Variants in TEX36 observed in about 807,000 individuals in gnomAD.
TEX36 encodes the protein testis expressed 36.
A neutral mutation model predicts 13.6 loss-of-function variants in TEX36; 12 were observed. That is an observed-to-expected ratio of 0.88 (90% confidence interval 0.56 to 1.43). The LOEUF is 1.43. TEX36 is among the 40% of genes most tolerant of loss of function. The pLI is 0.00. For missense variants in TEX36, 224 were observed against 228.3 expected, an observed-to-expected ratio of 0.98 and a Z score of 0.12; for synonymous variants, 93 against 83.0, an observed-to-expected ratio of 1.12 and a Z score of -0.65.
intron 3 of TEX36, among the ~76,000 whole-genome samples, chr10:125,600,621 A>T (rs573346143): frequency 6.6e-6 from 1 of 152,328 alleles, no homozygotes; most frequent in African/African-American, 2.4e-5. Context: ...ACCGCAGTCA[A>T]GTCACTTGCT....
At chr10:125,613,990 G>T (rs923953810) in intron 3 of TEX36, among the ~76,000 whole-genome samples, 3 of 152,170 alleles carry the variant, frequency 2.0e-5, no homozygotes, top group Admixed American at 2.0e-4. Context: ...GTGTGAGATG[G>T]TATCTCATTG....
At chr10:125,587,263 T>G (rs570619368) in intron 3 of TEX36, among the ~76,000 whole-genome samples, 1 of 152,088 alleles carries the variant, frequency 6.6e-6, no homozygotes, top group Non-Finnish European at 1.5e-5. Flanking sequence ...CTCAGGCAGG[T>G]GAGTTGCTTA....
In TEX36 at chr10:125,672,504, A is replaced by C. The variant is rs950232136; in HGVS notation, c.51+10435T>G. On this transcript the variant is annotated intron_variant, in intron 1 of 3. Transcript: ENST00000368821. ...ACTGTGGTCTGAGAGACAGTTTGTT[A>C]TTATTTCACTTCTTTTGCATTTGCC... 3.9e-5 allele frequency among the ~76,000 whole-genome samples: 6 copies of C among 152,170 alleles called. No homozygotes were observed. The South Asian group carries it at 1.2e-3, about 32-fold the overall frequency.
At chr10:125,600,796 C>T (rs1302800556) in intron 3 of TEX36, among the ~76,000 whole-genome samples, 2 of 152,158 alleles carry the variant, frequency 1.3e-5, no homozygotes, top group Admixed American at 1.3e-4. Context: ...CTTGGCATCT[C>T]ATTAGTGTTT....
chr10:125,652,305 C>G (rs565367695), downstream of TEX36, among the ~76,000 whole-genome samples: 28 of 152,112 alleles, frequency 1.8e-4, no homozygotes, highest in Non-Finnish European at 3.8e-4. Flanking sequence ...ACCAATGGAA[C>G]AGAACAGAGC....
At chr10:125,630,625 A>G (rs898233716) in intron 3 of TEX36, among the ~76,000 whole-genome samples, 2 of 152,158 alleles carry the variant, frequency 1.3e-5, no homozygotes, top group Non-Finnish European at 2.9e-5. Flanking sequence ...AAGGACATGA[A>G]TACGGGGAAA....
intron 3 of TEX36, among the ~76,000 whole-genome samples, chr10:125,600,517 G>T (rs1024910980): frequency 7.9e-5 from 12 of 152,172 alleles, no homozygotes; most frequent in African/African-American, 2.9e-4. Context: ...GCTAATGTGG[G>T]TGAGTTTCTG....
chr10:125,596,744 T>A (rs924521603), intron 3 of TEX36, among the ~76,000 whole-genome samples: 1 of 152,300 alleles, frequency 6.6e-6, no homozygotes. Flanking sequence ...ACCACCTGCA[T>A]GAGAAATCAG....
intron 3 of TEX36, among the ~76,000 whole-genome samples, chr10:125,633,245 C>G (rs1201396675): frequency 2.0e-5 from 3 of 152,112 alleles, no homozygotes; most frequent in African/African-American, 7.2e-5. Flanking sequence ...GTGGAAAGAC[C>G]TGATGAGAGA....
At chr10:125,673,063 G>T (rs1847258938) in intron 1 of TEX36, among the ~76,000 whole-genome samples, 1 of 152,150 alleles carries the variant, frequency 6.6e-6, no homozygotes, top group Non-Finnish European at 1.5e-5. Flanking sequence ...ACACCAGTGG[G>T]TCTTGACTCT....
intron 3 of TEX36, among the ~76,000 whole-genome samples, chr10:125,589,620 A>G (rs1302640259): frequency 6.6e-6 from 1 of 152,242 alleles, no homozygotes; most frequent in Non-Finnish European, 1.5e-5. Context: ...ACATTGAAAG[A>G]ATCATATATT....
chr10:125,578,896 C>T (rs895604792), intron 3 of TEX36, among the ~76,000 whole-genome samples: 2 of 152,176 alleles, frequency 1.3e-5, no homozygotes, highest in South Asian at 2.1e-4. Flanking sequence ...ACTCCCTTTC[C>T]GACCCACCTC....
chr10:125,629,029 G>T (rs1846521472), intron 3 of TEX36, among the ~76,000 whole-genome samples: 1 of 152,200 alleles, frequency 6.6e-6, no homozygotes, highest in Non-Finnish European at 1.5e-5. Context: ...CTATTTCATT[G>T]CCCAGTCATA....
intron 3 of TEX36, among the ~76,000 whole-genome samples, chr10:125,613,529 T>C (rs1846318087): frequency 6.8e-6 from 1 of 146,566 alleles, no homozygotes; most frequent in Non-Finnish European, 1.5e-5. Flanking sequence ...GAATATGCGG[T>C]GTTTGGTTTT....
At chr10:125,596,832 T>A (rs1432524839) in intron 3 of TEX36, among the ~76,000 whole-genome samples, 1 of 152,202 alleles carries the variant, frequency 6.6e-6, no homozygotes, top group Non-Finnish European at 1.5e-5. Flanking sequence ...CACAGCTCAA[T>A]ATAACAGATA....
At chr10:125,576,803 G>C (rs1845829469) in exon 4 of TEX36, 1 of 1,535,942 alleles carries the variant, frequency 6.5e-7, no homozygotes, top group Middle Eastern at 1.7e-4. Flanking sequence ...GAATGGACTG[G>C]GTCCTCACCG....
chr10:125,614,990 T>C (rs1164673194), intron 3 of TEX36, among the ~76,000 whole-genome samples: 1 of 152,218 alleles, frequency 6.6e-6, no homozygotes, highest in African/African-American at 2.4e-5. Flanking sequence ...CTTGAAGAGG[T>C]CTTTCACATC....
intron 3 of TEX36, among the ~76,000 whole-genome samples, chr10:125,593,979 C>G (rs1846051561): frequency 6.6e-6 from 1 of 152,162 alleles, no homozygotes; most frequent in Non-Finnish European, 1.5e-5. Flanking sequence ...GGAGGTGACA[C>G]AGGGGATGTT....
intron 3 of TEX36, among the ~76,000 whole-genome samples, chr10:125,603,685 G>A (rs984462191): frequency 1.3e-5 from 2 of 152,162 alleles, no homozygotes; most frequent in African/African-American, 2.4e-5. Flanking sequence ...CAAACCTCAC[G>A]TCCACAGTGC....
Sources: allele counts gnomAD v4.1 joint callset (sites outside exome capture counted in the v4.1 genomes callset), GRCh38; gene constraint gnomAD v4.1.1; transcripts MANE v1.5; gene names NCBI Gene and HGNC (gene_info 2026-07-23, HGNC 2026-07-21).